AGBL4: variants seen among roughly 807,000 people sequenced by gnomAD.
AGBL4 encodes AGBL carboxypeptidase 4.
A neutral mutation model predicts 66.4 loss-of-function variants in AGBL4; 58 were observed. That is an observed-to-expected ratio of 0.87 (90% CI 0.71 to 1.09). The LOEUF (loss-of-function observed/expected upper bound fraction) is 1.09, where lower values mean the gene tolerates loss of function less well. Among genes scored for constraint, AGBL4 ranks in the 50% least tolerant of loss-of-function variants. AGBL4 has a pLI of 0.00. For missense variants in AGBL4, 579 were observed against 631.0 expected (o/e 0.92, Z 0.88); for synonymous variants, 234 against 222.9 (o/e 1.05, Z -0.44).
chr1:49,554,506 ATCAAGGC>A (rs1374289178), intron 3 of AGBL4, among the ~76,000 whole-genome samples: 1 of 152,218 alleles, frequency 6.6e-6, no homozygotes, highest in African/African-American at 2.4e-5. Flanking sequence ...TTGCAAATAG[ATCAAGGC>A]TCATTAGTGA....
intron 7 of AGBL4, among the ~76,000 whole-genome samples, chr1:48,656,628 G>A (rs1446905063): frequency 6.6e-6 from 1 of 152,216 alleles, no homozygotes; most frequent in East Asian, 1.9e-4. Flanking sequence ...GATGAAAGGG[G>A]TGCCAGGATG....
At chr1:48,706,428 T>G (rs1451644810) in intron 6 of AGBL4, among the ~76,000 whole-genome samples, 1 of 152,180 alleles carries the variant, frequency 6.6e-6, no homozygotes, top group Admixed American at 6.5e-5. Context: ...GGAACAGTGT[T>G]TCAACAACAG....
chr1:48,949,271 T>C (rs1050108737), intron 5 of AGBL4, among the ~76,000 whole-genome samples: 1 of 152,280 alleles, frequency 6.6e-6, no homozygotes, highest in South Asian at 2.1e-4. Flanking sequence ...CAATTCTGAC[T>C]CCTGCCTGAG....
At chr1:49,911,971 T>C (rs933339664) in intron 1 of AGBL4, among the ~76,000 whole-genome samples, 6 of 152,308 alleles carry the variant, frequency 3.9e-5, no homozygotes, top group African/African-American at 1.2e-4. Flanking sequence ...GAGTATGAGA[T>C]TCCCTGACTG....
chr1:49,516,385 T>A (rs1649826392), intron 3 of AGBL4, among the ~76,000 whole-genome samples: 1 of 151,924 alleles, frequency 6.6e-6, no homozygotes, highest in African/African-American at 2.4e-5. Context: ...CCCAAATAAA[T>A]AGATGTTAAA....
intron 3 of AGBL4, among the ~76,000 whole-genome samples, chr1:49,582,671 G>A (rs988716090): frequency 2.6e-5 from 4 of 152,162 alleles, no homozygotes; most frequent in Admixed American, 6.5e-5. Flanking sequence ...ACCATGCACC[G>A]TTTGTTAGGA....
At chr1:49,342,394 G>A (rs1645558422) in intron 3 of AGBL4, among the ~76,000 whole-genome samples, 1 of 152,274 alleles carries the variant, frequency 6.6e-6, no homozygotes, top group South Asian at 2.1e-4. Context: ...AAGCCACTCT[G>A]ACAAACTGGT....
intron 4 of AGBL4, among the ~76,000 whole-genome samples, chr1:49,139,525 T>C (rs544180891): frequency 1.3e-5 from 2 of 152,088 alleles, no homozygotes; most frequent in South Asian, 2.1e-4. Context: ...AGTCCAAGGA[T>C]CATTTCCTTT....
At chr1:49,306,285 G>C (rs191865048) in intron 3 of AGBL4, among the ~76,000 whole-genome samples, 1 of 152,018 alleles carries the variant, frequency 6.6e-6, no homozygotes, top group Admixed American at 6.6e-5. Flanking sequence ...AGGGATTATT[G>C]GTTTGCAAAG....
intron 3 of AGBL4, among the ~76,000 whole-genome samples, chr1:49,478,324 A>G (rs1234648952): frequency 6.6e-6 from 1 of 152,038 alleles, no homozygotes; most frequent in Non-Finnish European, 1.5e-5. Context: ...AGCCAAAAGA[A>G]GAAGAAGGAG....
At chr1:49,948,337 AAT>A (rs1276040117) in intron 1 of AGBL4, among the ~76,000 whole-genome samples, 6 of 106,476 alleles carry the variant, frequency 5.6e-5, no homozygotes, top group Admixed American at 1.3e-4. Context: ...AACATATATA[AAT>A]ATATAAATAT....
chr1:48,942,935 A>G (rs1242718126), intron 5 of AGBL4, among the ~76,000 whole-genome samples: 1 of 152,220 alleles, frequency 6.6e-6, no homozygotes, highest in Non-Finnish European at 1.5e-5. Flanking sequence ...GGTATTGGCT[A>G]TAAGTATTCC....
chr1:49,216,735 T>C (rs1437617429), intron 4 of AGBL4, among the ~76,000 whole-genome samples: 2 of 152,266 alleles, frequency 1.3e-5, no homozygotes, highest in Non-Finnish European at 1.5e-5. Context: ...AACAAAACAA[T>C]GGCAAAAAGT....
intron 3 of AGBL4, among the ~76,000 whole-genome samples, chr1:49,424,861 T>A (rs1534390): frequency 0.087 from 13,298 of 152,130 alleles, 860 homozygotes; most frequent in East Asian, 0.3. Context: ...TGCCTGGAGT[T>A]GAAGTGAAAT....
intron 2 of AGBL4, among the ~76,000 whole-genome samples, chr1:49,759,755 A>G (rs1652162984): frequency 6.6e-6 from 1 of 152,204 alleles, no homozygotes; most frequent in Admixed American, 6.5e-5. Flanking sequence ...GTATATCCAA[A>G]CAATGGACGA....
intron 4 of AGBL4, among the ~76,000 whole-genome samples, chr1:49,181,580 T>C (rs146568046): frequency 1.3e-5 from 2 of 152,188 alleles, no homozygotes; most frequent in African/African-American, 2.4e-5. Context: ...GGGTATTGCC[T>C]AGGTTAAATG....
chr1:49,800,935 C>G (rs938162700), intron 2 of AGBL4, among the ~76,000 whole-genome samples: 1 of 143,562 alleles, frequency 7.0e-6, no homozygotes, highest in African/African-American at 2.6e-5. Context: ...CCTGAGGAAT[C>G]GCCACACTGA....
chr1:49,574,070 G>A (rs539237040), intron 3 of AGBL4, among the ~76,000 whole-genome samples: 29 of 152,194 alleles, frequency 1.9e-4, no homozygotes, highest in African/African-American at 4.8e-5. Flanking sequence ...CCCCAACACC[G>A]CTGTTTGCTT....
chr1:48,569,318 G>A (rs1021518905), intron 11 of AGBL4, among the ~76,000 whole-genome samples: 1 of 152,212 alleles, frequency 6.6e-6, no homozygotes, highest in African/African-American at 2.4e-5. Context: ...GATTGCCAAT[G>A]CCCAGCACAG....
Sources: allele counts gnomAD v4.1 joint callset (sites outside exome capture counted in the v4.1 genomes callset), GRCh38; gene constraint gnomAD v4.1.1; transcripts MANE v1.5; gene names NCBI Gene and HGNC (gene_info 2026-07-23, HGNC 2026-07-21).